Variants in CELF2 observed in about 807,000 individuals in gnomAD.
The protein encoded by CELF2 is CUG triplet repeat RNA-binding protein 2.
CELF2 carries 8 observed loss-of-function variants against 62.6 expected under a neutral mutation model. The observed-to-expected ratio is 0.13, with a 90% CI of 0.07 to 0.23. CELF2 has a LOEUF of 0.23. CELF2 is among the 10% of genes least tolerant of loss of function. The probability of loss-of-function intolerance (pLI) is 1.00; values close to 1 mark genes in which losing one functional copy is unlikely to be tolerated. For missense variants in CELF2, 333 were observed against 671.0 expected (o/e 0.50, Z 5.56); for synonymous variants, 258 against 250.0 (o/e 1.03, Z -0.30).
At position 11,166,739 on chromosome 10, in the gene CELF2, T is replaced by G. The variant is rs570656728; in HGVS notation, c.271+1057T>G. Among the ~76,000 whole-genome samples the G allele has an allele frequency of 7.8e-4, 119 of 152,358 alleles. 1 individual carries two copies. Among genetic ancestry groups the G allele is most frequent in the Non-Finnish European group, 1.4e-3 (98 of 68,030 alleles). ...GCATCACTTGGCTTGTGTATACACTTCGGTTGGGCACACGAACATATTGGC... is the reference window on the plus strand; with the variant it reads ...GCATCACTTGGCTTGTGTATACACTGCGGTTGGGCACACGAACATATTGGC... On this transcript the variant is annotated intron_variant, in intron 2 of 12. Coordinates refer to ENST00000633077, the MANE Select transcript of CELF2 (RefSeq NM_001326342.2).
chr10:10,727,243 C>T, the CELF2 span, among the ~76,000 whole-genome samples: 1 of 152,164 alleles, frequency 6.6e-6, no homozygotes, highest in African/African-American at 2.4e-5. Flanking sequence ...TCCAGGAATC[C>T]CTTTCAGGGA....
chr10:10,854,753 T>A (rs2059603116), intron 1 of CELF2, among the ~76,000 whole-genome samples: 1 of 152,036 alleles, frequency 6.6e-6, no homozygotes, highest in Admixed American at 6.6e-5. Context: ...GTAAACTAAT[T>A]GTTTTCACTT....
intron 1 of CELF2, among the ~76,000 whole-genome samples, chr10:11,038,349 C>T (rs1248309107): frequency 6.6e-6 from 1 of 152,200 alleles, no homozygotes; most frequent in Non-Finnish European, 1.5e-5. Context: ...AAGAATGCAT[C>T]TAAAGTGGTT....
At chr10:11,158,264 C>A (rs553584919) in intron 1 of CELF2, among the ~76,000 whole-genome samples, 1 of 152,302 alleles carries the variant, frequency 6.6e-6, no homozygotes, top group South Asian at 2.1e-4. Context: ...GAAGCAGGGG[C>A]TCCTGGAGGA....
At chr10:10,726,177 T>C in the CELF2 span, among the ~76,000 whole-genome samples, 1 of 152,150 alleles carries the variant, frequency 6.6e-6, no homozygotes, top group Non-Finnish European at 1.5e-5. Context: ...CTTAGGGTTT[T>C]CCTCCAGGTC....
At chr10:10,544,905 T>C in the CELF2 span, among the ~76,000 whole-genome samples, 1 of 152,200 alleles carries the variant, frequency 6.6e-6, no homozygotes, top group Non-Finnish European at 1.5e-5. Flanking sequence ...ATAAACTCAG[T>C]AGTCTTTCTG....
chr10:10,769,236 T>G, the CELF2 span, among the ~76,000 whole-genome samples: 3 of 152,260 alleles, frequency 2.0e-5, no homozygotes, highest in Admixed American at 6.5e-5. Context: ...AAAATGGAAC[T>G]GGGCATTTCT....
chr10:10,660,408 C>A, the CELF2 span, among the ~76,000 whole-genome samples: 1 of 152,184 alleles, frequency 6.6e-6, no homozygotes, highest in Non-Finnish European at 1.5e-5. Context: ...GTTCACCTTT[C>A]AGCAAGCCCA....
At chr10:11,198,439 T>G (rs2058488895) in intron 2 of CELF2, among the ~76,000 whole-genome samples, 1 of 152,272 alleles carries the variant, frequency 6.6e-6, no homozygotes, top group East Asian at 1.9e-4. Context: ...ACACTTAATC[T>G]GTTGCCAACA....
chr10:10,741,953 G>A, the CELF2 span, among the ~76,000 whole-genome samples: 21 of 152,080 alleles, frequency 1.4e-4, no homozygotes, highest in African/African-American at 5.1e-4. Flanking sequence ...ATTATTAATT[G>A]AAATTCTTAA....
At chr10:11,114,857 A>G (rs1389033199) in intron 1 of CELF2, among the ~76,000 whole-genome samples, 1 of 152,254 alleles carries the variant, frequency 6.6e-6, no homozygotes, top group Non-Finnish European at 1.5e-5. Flanking sequence ...CAAAACATAC[A>G]ACTAAAACAT....
At chr10:10,817,847 A>G (rs1030728259) in intron 1 of CELF2, among the ~76,000 whole-genome samples, 3 of 152,170 alleles carry the variant, frequency 2.0e-5, no homozygotes, top group African/African-American at 7.2e-5. Flanking sequence ...CCTTACTACT[A>G]TTGCTTGATT....
chr10:11,327,287 G>A (rs2378991), intron 12 of CELF2, among the ~76,000 whole-genome samples: 54,740 of 151,650 alleles, frequency 0.36, 10,179 homozygotes, highest in Middle Eastern at 0.44. Context: ...TGTGTTTTTC[G>A]TAGCTAAACA....
intron 3 of CELF2, among the ~76,000 whole-genome samples, chr10:11,236,727 A>G (rs59386357): frequency 3.9e-5 from 6 of 152,368 alleles, no homozygotes; most frequent in Admixed American, 6.5e-5. Context: ...TTTCACAGCA[A>G]TTACCCAACC....
chr10:11,325,996 A>C lies in CELF2; in HGVS notation c.1438+17A>C, dbSNP rs766491110. On this transcript the variant is annotated intron_variant, in intron 12 of 12. Transcript: ENST00000633077. ...AGTGCTTTGGTATGCAAAAGAAACT[A>C]AGCTAGTATATTGCAGTAGGTTCCC... The C allele has an allele frequency of 1.2e-6, 2 of 1,604,980 alleles. No homozygotes were observed. The highest frequency in any genetic ancestry group is 8.5e-7 in the Non-Finnish European group (1 of 1,176,254).
chr10:11,307,408 T>G (rs1448704433), intron 9 of CELF2, among the ~76,000 whole-genome samples: 3 of 152,244 alleles, frequency 2.0e-5, no homozygotes, highest in Non-Finnish European at 4.4e-5. Context: ...GGCTGTGCAG[T>G]CATCAACAGT....
chr10:10,580,961 C>T, the CELF2 span, among the ~76,000 whole-genome samples: 19 of 152,184 alleles, frequency 1.2e-4, 1 homozygote, highest in South Asian at 3.7e-3. Flanking sequence ...TCTTTCTTGT[C>T]CATGAAAAGG....
In CELF2 at chr10:10,990,908, T is replaced by C. The variant is rs1402182269; in HGVS notation, c.89+70909T>C. Among the ~76,000 whole-genome samples the C allele has an allele frequency of 1.3e-5, 2 of 152,216 alleles. No individual in the cohort carries two copies. Among genetic ancestry groups the C allele is most frequent in the African/African-American group, 2.4e-5 (1 of 41,452 alleles). ...CAGGCATTTTGGCATTGAGTCTTCA[T>C]TTAAAGAATGAAAATGAAATGCATT... is the stretch of plus-strand genomic sequence containing the variant. On this transcript the variant is annotated intron_variant, in intron 2 of 13. Coordinates refer to the CELF2 transcript ENST00000636488. This position sits in a 1 kb window ranked among gnomAD's most constrained non-coding sequence, Gnocchi z 4.6.
chr10:11,239,627 G>T (rs1230314180), intron 3 of CELF2, among the ~76,000 whole-genome samples: 1 of 152,126 alleles, frequency 6.6e-6, no homozygotes, highest in Admixed American at 6.5e-5. Flanking sequence ...TTCCACTGTA[G>T]TTTTTTTCCC....
Sources: allele counts gnomAD v4.1 joint callset (sites outside exome capture counted in the v4.1 genomes callset), GRCh38; gene constraint gnomAD v4.1.1; non-coding constraint Gnocchi (gnomAD v3.1); transcripts MANE v1.5; gene names NCBI Gene and HGNC (gene_info 2026-07-23, HGNC 2026-07-21).